The following ETV7 variants were observed in gnomAD, a reference collection of about 807,000 sequenced individuals.
The protein encoded by ETV7 is ETS variant transcription factor 7.
A neutral mutation model predicts 39.1 loss-of-function variants in ETV7; 43 were observed. The observed-to-expected ratio is 1.10, with a 90% confidence interval of 0.86 to 1.42. The LOEUF is 1.42. ETV7 is among the 40% of genes most tolerant of loss of function. The probability of loss-of-function intolerance (pLI) is 0.00; values close to 1 mark genes in which losing one functional copy is unlikely to be tolerated. For synonymous variants in ETV7, 196 were observed against 176.6 expected (o/e 1.11, Z -0.87); for missense variants, 432 against 442.3 (o/e 0.98, Z 0.21).
chr6:36,370,231 G>T (rs1467861330), intron 5 of ETV7, among the ~76,000 whole-genome samples: 1 of 152,082 alleles, frequency 6.6e-6, no homozygotes, highest in Admixed American at 6.6e-5. Context: ...GAAGAGCCAG[G>T]GTGGAAAAAA....
At chr6:36,360,884 C>T (rs1266797977) in intron 7 of ETV7, among the ~76,000 whole-genome samples, 1 of 152,152 alleles carries the variant, frequency 6.6e-6, no homozygotes, top group Non-Finnish European at 1.5e-5. Context: ...CTCCCTGGTG[C>T]CTCTCAAGCC....
chr6:36,387,485 G>C lies in ETV7; in HGVS notation c.6+51C>G, dbSNP rs1221125870. ...ATCTAGGTGGTGAGGAAAGGATGCG[G>C]GAGCAGGTGGCTCTGCGTGCGCGCT... On this transcript the variant is annotated intron_variant, in intron 1 of 7. Transcript: ENST00000340181. 4 of 1,612,414 alleles carry C rather than the reference G, an allele frequency of 2.5e-6. No individual in the cohort carries two copies. The African/African-American group carries it at 5.4e-5, about 22-fold the overall frequency.
chr6:36,374,256 C>T (rs1387200771), intron 3 of ETV7, among the ~76,000 whole-genome samples: 1 of 151,910 alleles, frequency 6.6e-6, no homozygotes, highest in Non-Finnish European at 1.5e-5. Context: ...ACTTGGGAGG[C>T]TGAGGCAGGA....
rs1010016055 is a variant in ETV7 at position 36,387,611 on chromosome 6, C to G, written c.-70G>C. 1.9e-6 allele frequency: 3 copies of G among 1,580,744 alleles called. No homozygotes were observed. The highest frequency in any genetic ancestry group is 2.6e-6 in the Non-Finnish European group (3 of 1,154,498). The stretch of plus-strand genomic sequence containing the variant: ...TCCCCTGGCTGTGGCTGCTGGGGCC[C>G]TAGGCCCGCGCCCCGCAGTCCTCCT... On this transcript the variant is annotated 5_prime_UTR_variant, in exon 1 of 8. Coordinates refer to ENST00000340181, the MANE Select transcript of ETV7 (RefSeq NM_016135.4).
intron 4 of ETV7, 96 bp downstream of exon 4, chr6:36,373,357 G>A: frequency 7.2e-7 from 1 of 1,382,044 alleles, no homozygotes; most frequent in Non-Finnish European, 9.5e-7. Context: ...GCCCACACTG[G>A]CCACCTCTTT....
intron 2 of ETV7, 131 bp from the exon 3 acceptor site, chr6:36,376,166 C>T: frequency 1.4e-6 from 1 of 738,334 alleles, no homozygotes; most frequent in South Asian, 1.9e-5. Flanking sequence ...GTCGCTGCCA[C>T]CTGTTTCTTT....
Position 36,376,053 on chromosome 6 carries a change from C to T in ETV7, c.143-18G>A. On this transcript the variant is annotated intron_variant, in intron 2 of 7. Coordinates refer to ENST00000340181, the MANE Select transcript of ETV7 (RefSeq NM_016135.4). Reference sequence around the variant, plus strand: ...CTGGATGCCTGCAACCAGCAAGGACCAGTCCCATCACTCCCCGTCGGGCCT... The same window carrying T: ...CTGGATGCCTGCAACCAGCAAGGACTAGTCCCATCACTCCCCGTCGGGCCT... 2 of 1,588,432 alleles carry T rather than the reference C, an allele frequency of 1.3e-6. No homozygotes were observed. The highest frequency in any genetic ancestry group is 1.7e-6 in the Non-Finnish European group (2 of 1,169,874).
intron 5 of ETV7, among the ~76,000 whole-genome samples, chr6:36,369,517 C>G (rs568226160): frequency 7.0e-4 from 106 of 152,318 alleles, no homozygotes; most frequent in Non-Finnish European, 1.5e-5. Context: ...AACATCCACC[C>G]CTTCAAGCTC....
At chr6:36,375,797 C>A (rs753926608) in intron 3 of ETV7, 74 bp downstream of exon 3, 4 of 1,604,054 alleles carry the variant, frequency 2.5e-6, no homozygotes, top group Admixed American at 1.7e-5. Context: ...CCTCCCTGGG[C>A]CCCCCGGGGG....
intron 7 of ETV7, among the ~76,000 whole-genome samples, chr6:36,358,710 A>G (rs1457968361): frequency 1.3e-5 from 2 of 152,208 alleles, no homozygotes; most frequent in Non-Finnish European, 2.9e-5. Flanking sequence ...ACCCACAATC[A>G]GCTGTCCCCT....
Position 36,371,525 on chromosome 6 carries a change from C to T in ETV7, c.469G>A (p.Gly157Ser). Reference protein sequence around the residue: ...TGPSQMDTRRGHLLQPPDPGL... With the variant: ...TGPSQMDTRRSHLLQPPDPGL... ...GGGTCTGGTGGCTGCAGCAGGTGGCCCCTTCGGGTGTCCATCTGAGAGGGG... is the reference window on the plus strand; with the variant it reads ...GGGTCTGGTGGCTGCAGCAGGTGGCTCCTTCGGGTGTCCATCTGAGAGGGG... The change falls in exon 5 of 8, where the codon GGC becomes AGC. Residue 157 changes from glycine (G) to serine (S), a missense_variant. Gly to Ser is a moderately conservative substitution (Grantham distance 56, BLOSUM62 0). Coordinates refer to ENST00000340181, the MANE Select transcript of ETV7 (RefSeq NM_016135.4). 1 of 1,603,138 alleles carries T rather than the reference C, an allele frequency of 6.2e-7. No individual in the cohort carries two copies. Among genetic ancestry groups the T allele is most frequent in the Non-Finnish European group, 8.5e-7 (1 of 1,175,786 alleles).
chr6:36,362,575 G>C (rs985689332), downstream of ETV7, among the ~76,000 whole-genome samples: 1 of 152,182 alleles, frequency 6.6e-6, no homozygotes, highest in Admixed American at 6.5e-5. Flanking sequence ...CCTGGTGCCC[G>C]GTACAGAGCA....
rs757731004 is a variant in ETV7, at chr6:36,366,957, A to G, written c.826T>C (p.Tyr276His). ...GNHKNRVNMT[Y>H]EKMSRALRHY... The stretch of plus-strand genomic sequence containing the variant: ...CGCAGGGCACGAGACATCTTCTCGT[A>G]GGTCATGTTCACCCGGTTCTGGAAA... Residue 276 changes from tyrosine (Y) to histidine (H), a missense_variant, in exon 7 of 8, where the codon TAC becomes CAC. By Grantham distance (83) the Tyr-to-His change is moderately conservative. Coordinates refer to ENST00000340181, the MANE Select transcript of ETV7 (RefSeq NM_016135.4). The G allele has an allele frequency of 6.2e-7, 1 of 1,613,976 alleles. No individual in the cohort carries two copies. The highest frequency in any genetic ancestry group is 8.5e-7 in the Non-Finnish European group (1 of 1,179,972).
At chr6:36,384,610 C>T (rs867091420) in intron 2 of ETV7, among the ~76,000 whole-genome samples, 5 of 152,122 alleles carry the variant, frequency 3.3e-5, no homozygotes, top group African/African-American at 1.2e-4. Context: ...CTAACCTTGG[C>T]CGGGTGCGGT....
Position 36,387,641 on chromosome 6 carries a change from C to A in ETV7, c.-100G>T. Reference sequence around the variant, plus strand: ...CCCGCGCCCCGCAGTCCTCCTCCGCCAAACCCCTAACCTGGCTCCGAGAAC... The same window carrying A: ...CCCGCGCCCCGCAGTCCTCCTCCGCAAAACCCCTAACCTGGCTCCGAGAAC... On this transcript the variant is annotated 5_prime_UTR_variant, in exon 1 of 8. Coordinates refer to ENST00000340181, the MANE Select transcript of ETV7 (RefSeq NM_016135.4). 7.3e-7 allele frequency: 1 copy of A among 1,370,192 alleles called. No individual in the cohort carries two copies. The highest frequency in any genetic ancestry group is 1.0e-6 in the Non-Finnish European group (1 of 971,974). The allele number at this position is 1,370,192 out of a possible 1,614,324, so 84.9% of individuals were successfully genotyped here.
At chr6:36,363,594 C>G (rs1032548454), downstream of ETV7, among the ~76,000 whole-genome samples, 1 of 152,226 alleles carries the variant, frequency 6.6e-6, no homozygotes, top group African/African-American at 2.4e-5. Flanking sequence ...AAAGCTCCCA[C>G]GGTGTCAAAG....
intron 7 of ETV7, among the ~76,000 whole-genome samples, chr6:36,356,330 AAAAAAAAAAC>A (rs1247418267): frequency 2.0e-5 from 3 of 150,876 alleles, no homozygotes; most frequent in South Asian, 2.2e-4. Flanking sequence ...TCTCAAAAAA[AAAAAAAAAAC>A]AAAAAAAAAC....
chr6:36,364,425 G>A (rs1207449036), downstream of ETV7, among the ~76,000 whole-genome samples: 1 of 152,232 alleles, frequency 6.6e-6, no homozygotes, highest in African/African-American at 2.4e-5. Flanking sequence ...GCGCCGGTGG[G>A]CTGGCACTGC....
In ETV7 at chr6:36,366,749, G is replaced by A; in HGVS notation, c.922C>T (p.Pro308Ser). 6.2e-7 allele frequency: 1 copy of A among 1,613,974 alleles called. No homozygotes were observed. Among genetic ancestry groups the A allele is most frequent in the Non-Finnish European group, 8.5e-7 (1 of 1,179,988 alleles). ...TGCTTGTCCTGGACCATCTTTCCCGGAGTCTTTAGAAATCTAGAATTCAGG... is the reference window on the plus strand; with the variant it reads ...TGCTTGTCCTGGACCATCTTTCCCGAAGTCTTTAGAAATCTAGAATTCAGG... ...QKLLFRFLKTPGKMVQDKHSH... is the reference protein window; with the variant it reads ...QKLLFRFLKTSGKMVQDKHSH... Residue 308 changes from proline (P) to serine (S), a missense_variant, in exon 8 of 8, where the codon CCG becomes TCG. Pro to Ser is a moderately conservative substitution (Grantham distance 74). Transcript: ENST00000340181.
Sources: allele counts gnomAD v4.1 joint callset (sites outside exome capture counted in the v4.1 genomes callset), GRCh38; gene constraint gnomAD v4.1.1; transcripts MANE v1.5; gene names NCBI Gene and HGNC (gene_info 2026-07-23, HGNC 2026-07-21).